Variants in LAMC1 observed in about 807,000 individuals in gnomAD.
LAMC1 encodes laminin subunit gamma 1.
LAMC1 carries 38 observed loss-of-function variants against 173.6 expected under a neutral mutation model. The observed-to-expected ratio is 0.22, with a 90% CI of 0.17 to 0.29. LAMC1 has a LOEUF of 0.29. LAMC1 is among the 10% of genes least tolerant of loss of function. The probability of loss-of-function intolerance (pLI) is 1.00; values close to 1 mark genes in which losing one functional copy is unlikely to be tolerated. For missense variants in LAMC1, 1,824 were observed against 2,051.8 expected, an observed-to-expected ratio of 0.89 and a Z score of 2.14; for synonymous variants, 746 against 749.1, an observed-to-expected ratio of 1.00 and a Z score of 0.07.
At chr1:183,078,902 G>A (rs1197713599) in intron 1 of LAMC1, among the ~76,000 whole-genome samples, 1 of 152,012 alleles carries the variant, frequency 6.6e-6, no homozygotes, top group Admixed American at 6.6e-5. Flanking sequence ...AATCCAGGCA[G>A]GAGAATCGCT....
At chr1:183,057,899 C>G (rs1017512213) in intron 1 of LAMC1, among the ~76,000 whole-genome samples, 2 of 152,070 alleles carry the variant, frequency 1.3e-5, no homozygotes, top group Non-Finnish European at 2.9e-5. Flanking sequence ...TGTGCTCTAA[C>G]TAAACATATT....
intron 21 of LAMC1, among the ~76,000 whole-genome samples, chr1:183,132,807 A>C (rs1018734860): frequency 6.6e-6 from 1 of 152,208 alleles, no homozygotes; most frequent in South Asian, 2.1e-4. Context: ...AAGAAAAAAT[A>C]TAATAGAGTA....
At chr1:183,049,115 T>G (rs1394506242) in intron 1 of LAMC1, among the ~76,000 whole-genome samples, 1 of 152,226 alleles carries the variant, frequency 6.6e-6, no homozygotes, top group Non-Finnish European at 1.5e-5. Context: ...AGAAACTAAA[T>G]TTGGAGCAAA....
At chr1:183,037,578 C>G (rs1289997156) in intron 1 of LAMC1, among the ~76,000 whole-genome samples, 1 of 152,156 alleles carries the variant, frequency 6.6e-6, no homozygotes, top group Non-Finnish European at 1.5e-5. Flanking sequence ...TATTCAGGTT[C>G]AGAAGTGATA....
intron 1 of LAMC1, among the ~76,000 whole-genome samples, chr1:183,055,959 TAG>T (rs771557159): frequency 8.3e-4 from 127 of 152,388 alleles, no homozygotes; most frequent in Non-Finnish European, 5.9e-4. Context: ...AGAGAGATTA[TAG>T]AGTTACTGTT....
chr1:183,121,013 T>C (rs945173274), intron 11 of LAMC1, among the ~76,000 whole-genome samples: 8 of 152,156 alleles, frequency 5.3e-5, no homozygotes, highest in Admixed American at 1.3e-4. Context: ...CCCCCCACAC[T>C]CTTGTTCATA....
At chr1:183,071,064 G>A (rs1205859345) in intron 1 of LAMC1, among the ~76,000 whole-genome samples, 1 of 151,100 alleles carries the variant, frequency 6.6e-6, no homozygotes, top group African/African-American at 2.4e-5. Context: ...TGTTTTATAT[G>A]TCAGGAAGCT....
chr1:183,137,701 A>G lies in LAMC1; in HGVS notation c.4347A>G (p.Arg1449=). ...CCAGCACCAAGGCAGAAGCTGAAAG[A>G]ACTTTTGCAGAAGTTACAGATCTGG... ...NATSTKAEAE[R]TFAEVTDLDN... Residue 1449 remains arginine (R), a synonymous_variant, in exon 26 of 28, where the codon AGA becomes AGG. Coordinates refer to ENST00000258341, the MANE Select transcript of LAMC1 (RefSeq NM_002293.4). 1 of 1,599,716 alleles carries G rather than the reference A, an allele frequency of 6.3e-7. No individual in the cohort carries two copies. Among genetic ancestry groups the G allele is most frequent in the Admixed American group, 1.7e-5 (1 of 58,036 alleles).
At chr1:183,074,793 G>C (rs946323081) in intron 1 of LAMC1, among the ~76,000 whole-genome samples, 1 of 151,896 alleles carries the variant, frequency 6.6e-6, no homozygotes, top group Non-Finnish European at 1.5e-5. Flanking sequence ...TTAAAATCTT[G>C]GAAATTTTTT....
At chr1:183,135,745 C>T (rs777312083) in intron 24 of LAMC1, among the ~76,000 whole-genome samples, 14 of 151,746 alleles carry the variant, frequency 9.2e-5, no homozygotes, top group South Asian at 6.3e-4. Flanking sequence ...TTTAATTAGC[C>T]GGGCATGCTG....
chr1:183,031,338 CTT>C (rs1377858791), intron 1 of LAMC1, among the ~76,000 whole-genome samples: 2 of 152,032 alleles, frequency 1.3e-5, no homozygotes, highest in East Asian at 1.9e-4. Flanking sequence ...GAGTTTCGCT[CTT>C]GTCGCCCAGG....
intron 1 of LAMC1, among the ~76,000 whole-genome samples, chr1:183,099,291 T>G (rs544509786): frequency 7.2e-5 from 11 of 152,214 alleles, no homozygotes; most frequent in Admixed American, 5.2e-4. Flanking sequence ...GGTTTCACCA[T>G]GTTGGCCAGG....
At chr1:183,067,634 G>T (rs1438635884) in intron 1 of LAMC1, among the ~76,000 whole-genome samples, 1 of 151,524 alleles carries the variant, frequency 6.6e-6, no homozygotes, top group Admixed American at 6.6e-5. Flanking sequence ...GACTACAAGC[G>T]CACGCCACCA....
chr1:183,090,974 A>G (rs1655551793), intron 1 of LAMC1, among the ~76,000 whole-genome samples: 1 of 152,138 alleles, frequency 6.6e-6, no homozygotes, highest in South Asian at 2.1e-4. Flanking sequence ...ATGCATCAAA[A>G]TCTCCATCCC....
intron 1 of LAMC1, among the ~76,000 whole-genome samples, chr1:183,069,545 A>G (rs1345828540): frequency 7.9e-5 from 12 of 152,204 alleles, no homozygotes; most frequent in African/African-American, 2.7e-4. Context: ...TGTGGGAGAG[A>G]AAGGTAAGTT....
intron 1 of LAMC1, among the ~76,000 whole-genome samples, chr1:183,059,653 G>A (rs1206326142): frequency 6.6e-6 from 1 of 152,136 alleles, no homozygotes; most frequent in South Asian, 2.1e-4. Flanking sequence ...CTAATTTGTG[G>A]CCACTCAGGA....
intron 1 of LAMC1, among the ~76,000 whole-genome samples, chr1:183,086,220 T>C (rs911942620): frequency 3.3e-5 from 5 of 152,236 alleles, no homozygotes; most frequent in African/African-American, 1.2e-4. Flanking sequence ...GCAGAATCAC[T>C]GTGCAGCAAT....
At position 183,125,913 on chromosome 1, in the gene LAMC1, G is replaced by A. The variant is rs1886500; in HGVS notation, c.2802-207G>A. Among the ~76,000 whole-genome samples, 78,766 of 151,992 alleles carry A rather than the reference G, an allele frequency of 0.52. 21,098 individuals are homozygous for A. The highest frequency in any genetic ancestry group is 0.65 in the South Asian group (3,139 of 4,824). ...GCTGGAGAGCACTGGTAGCAGTTAAGTTAGGAAAAGAGGTTCTGAATAGCA... is the reference window on the plus strand; with the variant it reads ...GCTGGAGAGCACTGGTAGCAGTTAAATTAGGAAAAGAGGTTCTGAATAGCA... On this transcript the variant is annotated intron_variant, in intron 15 of 27. Transcript: ENST00000258341.
intron 18 of LAMC1, among the ~76,000 whole-genome samples, chr1:183,129,247 C>T (rs1206043275): frequency 2.0e-5 from 3 of 151,258 alleles, no homozygotes; most frequent in African/African-American, 4.9e-5. Context: ...CCACCATGCC[C>T]GGGGTAATTT....
Sources: gnomAD v4.1 joint callset for allele counts (sites outside exome capture counted in the v4.1 genomes callset) on GRCh38, gnomAD v4.1.1 for gene constraint, MANE v1.5 for transcripts, NCBI Gene and HGNC (gene_info 2026-07-23, HGNC 2026-07-21) for gene names.